GNG7: variants seen among roughly 807,000 people sequenced by gnomAD.
GNG7 encodes the protein G protein subunit gamma 7.
In GNG7, 1 loss-of-function variant was observed where a neutral mutation model predicts 4.0. The ratio of observed to expected loss-of-function variants is 0.25; its 90% confidence interval spans 0.09 to 1.18. GNG7 has a LOEUF of 1.18. Ranked by LOEUF, GNG7 falls within the 50% of genes most tolerant of loss-of-function variation. The pLI, the probability that GNG7 is intolerant of heterozygous loss-of-function variation, is 0.50. For synonymous variants in GNG7, 34 were observed against 36.9 expected, an observed-to-expected ratio of 0.92 and a Z score of 0.29; for missense variants, 86 against 91.9, an observed-to-expected ratio of 0.94 and a Z score of 0.26.
intron 2 of GNG7, among the ~76,000 whole-genome samples, chr19:2,575,055 CTTTT>C: frequency 6.6e-6 from 1 of 151,128 alleles, no homozygotes; most frequent in Admixed American, 6.6e-5. Context: ...ATCTCTCTTT[CTTTT>C]TTCTTTTTCT....
Position 2,602,897 on chromosome 19 carries a change from TTTTC to T in GNG7, c.-78+43323_-78+43326del, listed in dbSNP as rs375016997. On this transcript the variant is annotated intron_variant, in intron 2 of 4. Coordinates refer to ENST00000382159, the MANE Select transcript of GNG7 (RefSeq NM_052847.3). ...TCTCTCTTTCTCTTTCTTTTTCTCT[TTTTC>T]TTTCTTTCTTTCTTTCTTTCTTTTT... Among the ~76,000 whole-genome samples the T allele has an allele frequency of 2.9e-3, 299 of 103,390 alleles. 2 individuals are homozygous for T. Among genetic ancestry groups the T allele is most frequent in the African/African-American group, 6.1e-3 (140 of 23,044 alleles). The allele number at this position is 103,390 out of a possible 152,430, so 67.8% of individuals were successfully genotyped here. A position where few individuals can be genotyped will look rare whatever the true frequency, so the allele number is the denominator to read the frequency against.
intron 1 of GNG7, among the ~76,000 whole-genome samples, chr19:2,688,163 G>A (rs1478810489): frequency 6.6e-6 from 1 of 152,226 alleles, no homozygotes; most frequent in Non-Finnish European, 1.5e-5. Flanking sequence ...TGAGGCAGGA[G>A]AATGGTGTAA....
At chr19:2,636,409 AG>A (rs1036102657) in intron 2 of GNG7, among the ~76,000 whole-genome samples, 2 of 152,068 alleles carry the variant, frequency 1.3e-5, no homozygotes, top group African/African-American at 4.8e-5. Flanking sequence ...GACATCTGGG[AG>A]GGGGGATGAC....
At chr19:2,670,390 C>T (rs1983421261) in intron 1 of GNG7, among the ~76,000 whole-genome samples, 4 of 152,222 alleles carry the variant, frequency 2.6e-5, no homozygotes, top group Admixed American at 2.6e-4. Context: ...CCCGCTGTCA[C>T]GGGGGACAGA....
intron 4 of GNG7, among the ~76,000 whole-genome samples, chr19:2,518,209 C>A (rs991142738): frequency 6.6e-6 from 1 of 150,710 alleles, no homozygotes; most frequent in African/African-American, 2.4e-5. Context: ...AAACCTCAGG[C>A]GGGACTGGGA....
intron 2 of GNG7, among the ~76,000 whole-genome samples, chr19:2,608,317 A>G (rs558264366): frequency 3.8e-4 from 36 of 94,298 alleles, no homozygotes; most frequent in South Asian, 9.7e-4. Flanking sequence ...TGCCCCTGGG[A>G]AAAAAAAAAA....
intron 2 of GNG7, among the ~76,000 whole-genome samples, chr19:2,569,050 C>T (rs541689262): frequency 5.9e-5 from 9 of 151,886 alleles, no homozygotes; most frequent in South Asian, 2.1e-4. Context: ...AACATATACA[C>T]AGAAGCGCAC....
At chr19:2,594,721 T>A (rs1980962676) in intron 2 of GNG7, among the ~76,000 whole-genome samples, 1 of 152,128 alleles carries the variant, frequency 6.6e-6, no homozygotes, top group African/African-American at 2.4e-5. Context: ...AACCACCCAA[T>A]CAAATTAACA....
At chr19:2,524,442 T>A (rs200284056) in intron 3 of GNG7, among the ~76,000 whole-genome samples, 1 of 152,340 alleles carries the variant, frequency 6.6e-6, no homozygotes, top group East Asian at 1.9e-4. Flanking sequence ...TGTGTGCACA[T>A]GTGCATGTAT....
intron 3 of GNG7, among the ~76,000 whole-genome samples, chr19:2,539,910 TCCC>T: frequency 7.2e-6 from 1 of 139,058 alleles, no homozygotes; most frequent in Non-Finnish European, 1.6e-5. Context: ...CTTCCCTCCC[TCCC>T]TCTTTCTCTT....
chr19:2,560,461 C>T (rs1456596341), intron 2 of GNG7, among the ~76,000 whole-genome samples: 1 of 152,120 alleles, frequency 6.6e-6, no homozygotes, highest in Non-Finnish European at 1.5e-5. Flanking sequence ...CCACCCAGCC[C>T]TTCCCTTGAG....
At chr19:2,671,887 T>TA (rs1392312204) in intron 1 of GNG7, among the ~76,000 whole-genome samples, 1 of 151,584 alleles carries the variant, frequency 6.6e-6, no homozygotes, top group Non-Finnish European at 1.5e-5. Flanking sequence ...TCGTCTCTAC[T>TA]AAAAATACAA....
chr19:2,553,858 TTA>T (rs1331813003), intron 3 of GNG7, among the ~76,000 whole-genome samples: 1 of 138,502 alleles, frequency 7.2e-6, no homozygotes, highest in African/African-American at 2.7e-5. Context: ...CATGTACATA[TTA>T]TATGTAACAT....
intron 2 of GNG7, among the ~76,000 whole-genome samples, chr19:2,592,731 A>AGAGGGAAGGAAGGGGAGGGGAGGG (rs1475148956): frequency 2.8e-5 from 2 of 70,988 alleles, no homozygotes; most frequent in African/African-American, 1.2e-4. Flanking sequence ...AGCAACAAGG[A>AGAGGGAAGGAAGGGGAGGGGAGGG]GAGGGAAGGA....
At chr19:2,544,544 C>T (rs1425964516) in intron 3 of GNG7, among the ~76,000 whole-genome samples, 1 of 152,210 alleles carries the variant, frequency 6.6e-6, no homozygotes, top group South Asian at 2.1e-4. Flanking sequence ...CCCACCCCCA[C>T]CACGCCCAGC....
intron 3 of GNG7, among the ~76,000 whole-genome samples, chr19:2,527,880 A>G (rs1978460492): frequency 6.6e-6 from 1 of 151,776 alleles, no homozygotes; most frequent in Non-Finnish European, 1.5e-5. Flanking sequence ...GAACTCCCTT[A>G]TCAGGAGAAA....
In GNG7 at chr19:2,633,460, C is replaced by T. The variant is rs1982215042; in HGVS notation, c.-78+12764G>A. On this transcript the variant is annotated intron_variant, in intron 2 of 4. Coordinates refer to ENST00000382159, the MANE Select transcript of GNG7 (RefSeq NM_052847.3). This position sits in a 1 kb window ranked among gnomAD's most constrained non-coding sequence, Gnocchi z 5.9. ...GGGAGGCTGACTGTTCAAGCGGTTG[C>T]TTAGCAACAGGCGCGCGCGCGCGCG... 6.6e-6 allele frequency among the ~76,000 whole-genome samples: 1 copy of T among 150,676 alleles called. No individual in the cohort carries two copies. Among genetic ancestry groups the T allele is most frequent in the Non-Finnish European group, 1.5e-5 (1 of 67,818 alleles).
At chr19:2,666,786 G>A (rs1420524824) in intron 1 of GNG7, among the ~76,000 whole-genome samples, 2 of 152,220 alleles carry the variant, frequency 1.3e-5, no homozygotes, top group Non-Finnish European at 2.9e-5. Flanking sequence ...ATGGCCCATC[G>A]TGTGCCAATA....
In GNG7 at chr19:2,512,307, G is replaced by A. The variant is rs1041683954; in HGVS notation, c.*2715C>T. On this transcript the variant is annotated 3_prime_UTR_variant, in exon 5 of 5. Coordinates refer to ENST00000382159, the MANE Select transcript of GNG7 (RefSeq NM_052847.3). This position sits in a 1 kb window ranked among gnomAD's most constrained non-coding sequence, Gnocchi z 4.7. ...GTCGGTGTGTGCACTCGGGTGCCAC[G>A]TCTGCAAAGGTATTTTCCACAGTGT... 1.9e-5 allele frequency: 19 copies of A among 985,636 alleles called. No homozygotes were observed. Among genetic ancestry groups the A allele is most frequent in the African/African-American group, 1.7e-4 (10 of 57,190 alleles). 61.1% of individuals were successfully genotyped at this position (985,636 alleles called of 1,614,324 possible). A position where few individuals can be genotyped will look rare whatever the true frequency, so the allele number is the denominator to read the frequency against.
Sources: allele counts gnomAD v4.1 joint callset (sites outside exome capture counted in the v4.1 genomes callset), GRCh38; gene constraint gnomAD v4.1.1; non-coding constraint Gnocchi (gnomAD v3.1); transcripts MANE v1.5; gene names NCBI Gene and HGNC (gene_info 2026-07-23, HGNC 2026-07-21).